Variants in GYPC observed in about 807,000 individuals in gnomAD.
GYPC encodes glycophorin C (Gerbich blood group).
Under a neutral mutation model 12.6 loss-of-function variants are expected in GYPC, and 14 were observed. That is an observed-to-expected ratio of 1.11 (90% CI 0.74 to 1.74). The LOEUF (loss-of-function observed/expected upper bound fraction) is 1.74. Among genes scored for constraint, GYPC ranks in the 40% most tolerant of loss-of-function variants. GYPC has a pLI of 0.00. For synonymous variants in GYPC, 78 were observed against 62.1 expected (o/e 1.26, Z -1.20); for missense variants, 225 against 172.1 (o/e 1.31, Z -1.72).
rs766813337 is a variant in GYPC, at chr2:126,686,332, G to A, written c.50-3923G>A. 103 of 985,590 alleles carry A rather than the reference G, an allele frequency of 1.0e-4. 1 individual carries two copies. Among genetic ancestry groups the A allele is most frequent in the African/African-American group, 1.2e-4 (7 of 57,252 alleles). The allele number at this position is 985,590 out of a possible 1,614,324, so 61.1% of individuals were successfully genotyped here. ...CCAACTGAAGCAGAGAGCACTGCCC[G>A]CACTGCAGGGTTGTGCCTGTGTGCC... is the stretch of plus-strand genomic sequence containing the variant. On this transcript the variant is annotated intron_variant, in intron 1 of 3. Coordinates refer to ENST00000259254, the MANE Select transcript of GYPC (RefSeq NM_002101.5).
chr2:126,696,423 C>T lies in GYPC; in HGVS notation c.*281C>T, dbSNP rs1298292641. On this transcript the variant is annotated 3_prime_UTR_variant, in exon 4 of 4. Coordinates refer to ENST00000259254, the MANE Select transcript of GYPC (RefSeq NM_002101.5). ...AGAAAATCTGGGCACATGGGGCCCCCTGGGCAGTGCAGGACAACATCAGCT... is the reference window on the plus strand; with the variant it reads ...AGAAAATCTGGGCACATGGGGCCCCTTGGGCAGTGCAGGACAACATCAGCT... The T allele has an allele frequency of 1.3e-5, 6 of 451,050 alleles. No homozygotes were observed. In the Admixed American group the frequency reaches 2.1e-4, roughly 15 times the overall value. The allele number at this position is 451,050 out of a possible 1,614,324, so 27.9% of individuals were successfully genotyped here.
intron 1 of GYPC, chr2:126,678,782 C>G (rs572453759): frequency 1.3e-5 from 2 of 152,274 alleles, no homozygotes; most frequent in Admixed American, 1.3e-4. Flanking sequence ...GATGTAGCCA[C>G]GAACCTCCTC....
chr2:126,688,204 G>T (rs1294649014), intron 1 of GYPC, among the ~76,000 whole-genome samples: 1 of 152,192 alleles, frequency 6.6e-6, no homozygotes, highest in Non-Finnish European at 1.5e-5. Context: ...TTCTAACCCT[G>T]ATTGTGTTGG....
At chr2:126,684,670 G>A (rs143955389) in intron 1 of GYPC, among the ~76,000 whole-genome samples, 1 of 152,302 alleles carries the variant, frequency 6.6e-6, no homozygotes, top group Non-Finnish European at 1.5e-5. Context: ...GCAGGGACTT[G>A]GCCTTAACGG....
chr2:126,686,071 G>C, intron 1 of GYPC: 1 of 985,244 alleles, frequency 1.0e-6, no homozygotes, highest in Non-Finnish European at 1.2e-6. Flanking sequence ...GGAGCCATAG[G>C]AGATGGGCCG....
At chr2:126,657,062 T>TA (rs1682383823) in intron 1 of GYPC, among the ~76,000 whole-genome samples, 2 of 152,226 alleles carry the variant, frequency 1.3e-5, no homozygotes, top group Admixed American at 1.3e-4. Flanking sequence ...GTCTGATTCT[T>TA]AGAGTCTGTC....
intron 3 of GYPC, 31 bp downstream of exon 3, chr2:126,693,978 G>A (rs781376991): frequency 1.4e-6 from 2 of 1,433,568 alleles, no homozygotes; most frequent in African/African-American, 2.8e-5. Context: ...CCTTCAAGCA[G>A]CCAGGGTGGG....
At chr2:126,672,698 G>A (rs1292762310) in intron 1 of GYPC, among the ~76,000 whole-genome samples, 1 of 152,162 alleles carries the variant, frequency 6.6e-6, no homozygotes, top group African/African-American at 2.4e-5. Flanking sequence ...TCAGGGTGGA[G>A]GGGCTGGCCC....
rs758858894 is a variant in GYPC at position 126,696,089 on chromosome 2, G to A, written c.334G>A (p.Asp112Asn). The A allele has an allele frequency of 7.4e-6, 12 of 1,613,900 alleles. No homozygotes were observed. Among genetic ancestry groups the A allele is most frequent in the African/African-American group, 4.0e-5 (3 of 74,928 alleles). ...AESADAALQGDPALQDAGDSS... is the reference protein window; with the variant it reads ...AESADAALQGNPALQDAGDSS... ...GAGTGCAGATGCAGCCCTGCAGGGA[G>A]ACCCTGCCCTCCAAGATGCTGGTGA... Residue 112 changes from aspartate to asparagine, a missense_variant, in exon 4 of 4, where the codon GAC (aspartate) becomes AAC (asparagine). Asp to Asn is a conservative substitution (Grantham distance 23). Coordinates refer to ENST00000259254, the MANE Select transcript of GYPC (RefSeq NM_002101.5).
chr2:126,672,307 T>A (rs2104782370), intron 1 of GYPC, among the ~76,000 whole-genome samples: 1 of 152,168 alleles, frequency 6.6e-6, no homozygotes, highest in South Asian at 2.1e-4. Flanking sequence ...ACCTGTGACA[T>A]GCGGTGGGAG....
At chr2:126,664,731 C>G (rs1010059066) in intron 1 of GYPC, among the ~76,000 whole-genome samples, 4 of 152,224 alleles carry the variant, frequency 2.6e-5, no homozygotes, top group Non-Finnish European at 5.9e-5. Context: ...GGGCTGAAGC[C>G]CACTGCCTCT....
intron 1 of GYPC, among the ~76,000 whole-genome samples, chr2:126,671,196 G>A (rs2104780840): frequency 6.6e-6 from 1 of 152,274 alleles, no homozygotes; most frequent in East Asian, 1.9e-4. Context: ...TAGCGGGTAG[G>A]AGGGGCTCTT....
chr2:126,665,499 G>A (rs4663039), intron 1 of GYPC, among the ~76,000 whole-genome samples: 10,499 of 152,322 alleles, frequency 0.069, 464 homozygotes, highest in Non-Finnish European at 0.1. Context: ...CGATTCATGG[G>A]ACAGATAGAT....
At position 126,663,129 on chromosome 2, in the gene GYPC, C is replaced by T. The variant is rs1019240185; in HGVS notation, c.49+6817C>T. Among the ~76,000 whole-genome samples the T allele has an allele frequency of 4.6e-5, 7 of 152,332 alleles. No homozygotes were observed. The East Asian group carries it at 1.4e-3, about 29-fold the overall frequency. ...CTTGGCTCACTGCAACCTCCGACTC[C>T]CTGGTTCAAGCAATTCTCCTGCCTC... On this transcript the variant is annotated intron_variant, in intron 1 of 3. Transcript: ENST00000259254.
intron 1 of GYPC, among the ~76,000 whole-genome samples, chr2:126,671,213 T>C (rs907439721): frequency 6.6e-6 from 1 of 152,146 alleles, no homozygotes; most frequent in Non-Finnish European, 1.5e-5. Flanking sequence ...TCTTGTAGTC[T>C]TCCCCTCTCT....
intron 1 of GYPC, among the ~76,000 whole-genome samples, chr2:126,662,980 C>G (rs1305273934): frequency 6.6e-6 from 1 of 152,124 alleles, no homozygotes; most frequent in Admixed American, 6.5e-5. Context: ...TCTGTGTGGT[C>G]CCACAGAGAC....
chr2:126,678,472 C>G (rs1683070389), intron 1 of GYPC: 1 of 152,202 alleles, frequency 6.6e-6, no homozygotes, highest in Non-Finnish European at 1.5e-5. Context: ...CTGTGTGCCT[C>G]TGGCTCATAC....
intron 1 of GYPC, among the ~76,000 whole-genome samples, chr2:126,670,028 C>A (rs920360477): frequency 6.6e-6 from 1 of 152,228 alleles, no homozygotes; most frequent in African/African-American, 2.4e-5. Flanking sequence ...AGGCTGGCCT[C>A]TCACTGCCCT....
intron 1 of GYPC, among the ~76,000 whole-genome samples, chr2:126,659,857 T>G (rs1193438126): frequency 6.6e-6 from 1 of 150,900 alleles, no homozygotes; most frequent in Admixed American, 6.6e-5. Flanking sequence ...TCTCAGGTCA[T>G]TGCACCCTCC....
Sources: allele counts gnomAD v4.1 joint callset (sites outside exome capture counted in the v4.1 genomes callset), GRCh38; gene constraint gnomAD v4.1.1; transcripts MANE v1.5; gene names NCBI Gene and HGNC (gene_info 2026-07-23, HGNC 2026-07-21).